GRIK2: variants seen among roughly 807,000 people sequenced by gnomAD.
GRIK2 encodes the protein glutamate receptor ionotropic, kainate 2.
In GRIK2, 32 loss-of-function variants were observed where a neutral mutation model predicts 100.3. That is an observed-to-expected ratio of 0.32 (90% CI 0.24 to 0.43). The LOEUF (loss-of-function observed/expected upper bound fraction) is 0.43. Among genes scored for constraint, GRIK2 ranks in the 20% least tolerant of loss-of-function variants. The probability of loss-of-function intolerance (pLI) is 1.00; values close to 1 mark genes in which losing one functional copy is unlikely to be tolerated. For missense variants in GRIK2, 843 were observed against 1,114.9 expected (o/e 0.76, Z 3.47); for synonymous variants, 417 against 389.4 (o/e 1.07, Z -0.83).
At chr6:101,682,103 G>T (rs1771301619) in intron 5 of GRIK2, among the ~76,000 whole-genome samples, 1 of 152,068 alleles carries the variant, frequency 6.6e-6, no homozygotes, top group Non-Finnish European at 1.5e-5. Context: ...TAATGCTATG[G>T]AAATGTCTCT....
Position 101,849,813 on chromosome 6 carries a change from G to GTTTTTT in GRIK2, c.1318-9453_1318-9448dup, listed in dbSNP as rs36010543. On this transcript the variant is annotated intron_variant, in intron 10 of 16. Transcript: ENST00000369134. Reference sequence around the variant, plus strand: ...AGGGATGCTATTTAAAAAAAGGAGGGTTTTTTTTTTTTTTTTTTTTTTTTT... The same window carrying GTTTTTT: ...AGGGATGCTATTTAAAAAAAGGAGGGTTTTTTTTTTTTTTTTTTTTTTTTTTTTTTT... Among the ~76,000 whole-genome samples, 70 of 53,872 alleles carry GTTTTTT rather than the reference G, an allele frequency of 1.3e-3. 12 individuals are homozygous for GTTTTTT. The highest frequency in any genetic ancestry group is 4.7e-3 in the East Asian group (5 of 1,056). 35.3% of individuals were successfully genotyped at this position (53,872 alleles called of 152,430 possible).
chr6:101,444,907 A>G (rs1268428284), intron 2 of GRIK2, among the ~76,000 whole-genome samples: 2 of 152,092 alleles, frequency 1.3e-5, no homozygotes, highest in South Asian at 2.1e-4. Flanking sequence ...CGCATCTGCT[A>G]TATATTAATT....
intron 7 of GRIK2, among the ~76,000 whole-genome samples, chr6:101,736,550 C>A (rs1441318027): frequency 6.6e-6 from 1 of 152,126 alleles, no homozygotes; most frequent in Admixed American, 6.5e-5. Context: ...TCTGAAGCCA[C>A]AGCCTGAGCT....
intron 12 of GRIK2, among the ~76,000 whole-genome samples, chr6:101,902,070 G>C (rs1324341555): frequency 2.0e-5 from 3 of 151,868 alleles, no homozygotes; most frequent in South Asian, 2.1e-4. Context: ...TGTGATGATA[G>C]TTTAATAATT....
chr6:101,762,102 T>C (rs1482036141), intron 7 of GRIK2, among the ~76,000 whole-genome samples: 1 of 145,598 alleles, frequency 6.9e-6, no homozygotes, highest in Non-Finnish European at 1.5e-5. Context: ...CTTCCTCCCT[T>C]CCTTTCCTTC....
At chr6:102,019,837 A>G (rs996783580) in intron 14 of GRIK2, among the ~76,000 whole-genome samples, 5 of 151,984 alleles carry the variant, frequency 3.3e-5, no homozygotes. Flanking sequence ...AACTGCTTCT[A>G]GATCTCCTAC....
At chr6:101,616,040 C>G (rs182571073) in intron 2 of GRIK2, among the ~76,000 whole-genome samples, 347 of 151,910 alleles carry the variant, frequency 2.3e-3, no homozygotes, top group Middle Eastern at 0.01. Context: ...CTCCCCTAGG[C>G]TTAGCCTATT....
intron 1 of GRIK2, 115 bp from the exon 2 acceptor site, chr6:101,398,870 G>A (rs1055069615): frequency 1.4e-4 from 58 of 423,790 alleles, no homozygotes; most frequent in African/African-American, 9.1e-4. Context: ...ATAGGGCCTG[G>A]CAAAACCTTT....
At chr6:101,959,974 C>T (rs1792181458) in intron 14 of GRIK2, among the ~76,000 whole-genome samples, 1 of 151,748 alleles carries the variant, frequency 6.6e-6, no homozygotes, top group Non-Finnish European at 1.5e-5. Context: ...TTCTTCTTCT[C>T]CCTCAGGAAT....
intron 2 of GRIK2, among the ~76,000 whole-genome samples, chr6:101,621,078 G>T (rs1414671618): frequency 6.6e-6 from 1 of 152,126 alleles, no homozygotes; most frequent in Non-Finnish European, 1.5e-5. Context: ...CTTCTTAAAA[G>T]GGACTTAGAA....
chr6:101,995,186 G>T (rs1055564671), intron 14 of GRIK2, among the ~76,000 whole-genome samples: 72 of 152,028 alleles, frequency 4.7e-4, no homozygotes, highest in African/African-American at 1.6e-3. Context: ...GATGAGAACA[G>T]AGAGTAACTT....
intron 2 of GRIK2, among the ~76,000 whole-genome samples, chr6:101,619,079 G>A (rs1015047355): frequency 1.1e-4 from 17 of 149,744 alleles, no homozygotes; most frequent in African/African-American, 2.9e-4. Context: ...TTTTTAAATA[G>A]AATTAAAAAG....
At chr6:101,835,858 C>G (rs1783048928) in intron 10 of GRIK2, among the ~76,000 whole-genome samples, 1 of 31,490 alleles carries the variant, frequency 3.2e-5, no homozygotes, top group African/African-American at 5.7e-5. Flanking sequence ...TCTGAAGTAG[C>G]TAGGACTTTT....
At chr6:101,454,360 G>A (rs2128250258) in intron 2 of GRIK2, among the ~76,000 whole-genome samples, 1 of 152,182 alleles carries the variant, frequency 6.6e-6, no homozygotes, top group Middle Eastern at 3.4e-3. Context: ...CATTTTCAAA[G>A]CAGTCTGAGC....
chr6:101,798,042 C>G (rs932547651), intron 7 of GRIK2, among the ~76,000 whole-genome samples: 9 of 133,346 alleles, frequency 6.7e-5, no homozygotes, highest in African/African-American at 2.2e-4. Flanking sequence ...GATTTCCACT[C>G]TTTTTTTTTT....
At chr6:102,061,666 CT>C (rs1328942548) in intron 16 of GRIK2, among the ~76,000 whole-genome samples, 1 of 150,336 alleles carries the variant, frequency 6.7e-6, no homozygotes, top group African/African-American at 2.4e-5. Context: ...CTCTATTCTT[CT>C]TTTTAAATAA....
chr6:101,677,165 A>G (rs1770903122), intron 5 of GRIK2, among the ~76,000 whole-genome samples: 2 of 152,218 alleles, frequency 1.3e-5, no homozygotes, highest in Non-Finnish European at 1.5e-5. Flanking sequence ...CCAGTAGGAA[A>G]AAGATGTAAT....
chr6:101,454,114 G>T (rs1770863411), intron 2 of GRIK2, among the ~76,000 whole-genome samples: 1 of 152,042 alleles, frequency 6.6e-6, no homozygotes, highest in Non-Finnish European at 1.5e-5. Context: ...CGATTTTCCT[G>T]TTGCCTCCTC....
intron 7 of GRIK2, among the ~76,000 whole-genome samples, chr6:101,696,853 GA>G (rs554695742): frequency 9.6e-4 from 145 of 150,990 alleles, no homozygotes; most frequent in African/African-American, 2.6e-3. Context: ...TAGAAACCAG[GA>G]AAAAAAAATT....
Sources: gnomAD v4.1 joint callset for allele counts (sites outside exome capture counted in the v4.1 genomes callset) on GRCh38, gnomAD v4.1.1 for gene constraint, MANE v1.5 for transcripts, NCBI Gene and HGNC (gene_info 2026-07-23, HGNC 2026-07-21) for gene names.